Variants in ZNF81 observed in about 807,000 individuals in gnomAD.
ZNF81 encodes zinc finger protein 81.
ZNF81 carries 5 observed loss-of-function variants against 32.3 expected under a neutral mutation model. The ratio of observed to expected loss-of-function variants is 0.15; its 90% CI spans 0.08 to 0.33. The LOEUF (loss-of-function observed/expected upper bound fraction) is 0.33. ZNF81 is among the 10% of genes least tolerant of loss of function. The pLI is 1.00. For missense variants in ZNF81, 379 were observed against 479.8 expected (o/e 0.79, Z 1.96); for synonymous variants, 163 against 166.8 (o/e 0.98, Z 0.17).
intron 3 of ZNF81, among the ~76,000 whole-genome samples, chrX:47,891,995 G>C (rs1477363120): frequency 9.0e-6 from 1 of 111,204 alleles, no homozygotes; most frequent in African/African-American, 3.3e-5. Flanking sequence ...TCAAGTCTGG[G>C]AATTGATTGA....
intron 4 of ZNF81, among the ~76,000 whole-genome samples, chrX:47,897,173 C>G (rs2058682521): frequency 8.9e-6 from 1 of 112,319 alleles, no homozygotes; most frequent in African/African-American, 3.2e-5. Flanking sequence ...ATTGGCTGTA[C>G]CACTTTACAT....
intron 2 of ZNF81, among the ~76,000 whole-genome samples, chrX:47,874,299 A>G (rs1454428771): frequency 8.9e-6 from 1 of 112,067 alleles, no homozygotes; most frequent in Non-Finnish European, 1.9e-5. Context: ...TTCCATGGCC[A>G]TGGGGGATGG....
intron 4 of ZNF81, among the ~76,000 whole-genome samples, chrX:47,914,673 G>A (rs1405944209): frequency 9.0e-6 from 1 of 111,401 alleles, no homozygotes; most frequent in Non-Finnish European, 1.9e-5. Context: ...CCTAATGACA[G>A]CTTTCTCAGA....
At chrX:47,876,450 G>A in intron 2 of ZNF81, among the ~76,000 whole-genome samples, 1 of 112,035 alleles carries the variant, frequency 8.9e-6, no homozygotes. Flanking sequence ...AAATGAACAA[G>A]CCCAGGGAAC....
chrX:47,868,738 C>T (rs1397373170), intron 2 of ZNF81, among the ~76,000 whole-genome samples: 1 of 110,709 alleles, frequency 9.0e-6, no homozygotes, highest in Non-Finnish European at 1.9e-5. Flanking sequence ...GGACTGTATT[C>T]TAATAAGTCT....
At position 47,919,690 on chromosome X, in the gene ZNF81, T is replaced by G. The variant is rs2146432992; in HGVS notation, c.*3058T>G. On this transcript the variant is annotated 3_prime_UTR_variant, in exon 5 of 5. Transcript: ENST00000338637. ...TCCCATGTCTACAGCTAGAGAACTCTTTGGGATCCCTTTTATAAGGGCACC... is the reference window on the plus strand; with the variant it reads ...TCCCATGTCTACAGCTAGAGAACTCGTTGGGATCCCTTTTATAAGGGCACC... 1 of 112,133 alleles carries G rather than the reference T, an allele frequency of 8.9e-6. No homozygotes were observed. Among genetic ancestry groups the G allele is most frequent in the Non-Finnish European group, 1.9e-5 (1 of 53,687 alleles). 9.2% of individuals were successfully genotyped at this position (112,133 alleles called of 1,213,427 possible). A position where few individuals can be genotyped will look rare whatever the true frequency, so the allele number is the denominator to read the frequency against.
chrX:47,842,271 G>A (rs1162365512), intron 1 of ZNF81, among the ~76,000 whole-genome samples: 1 of 111,711 alleles, frequency 9.0e-6, no homozygotes. Flanking sequence ...CATTCCATTA[G>A]TGTTTGGCTG....
At chrX:47,853,724 T>G (rs1477676602) in intron 2 of ZNF81, among the ~76,000 whole-genome samples, 1 of 110,783 alleles carries the variant, frequency 9.0e-6, no homozygotes, top group Non-Finnish European at 1.9e-5. Flanking sequence ...TTTTAAATTT[T>G]TTTTTTTAAG....
chrX:47,848,749 C>T (rs782804547), intron 2 of ZNF81, among the ~76,000 whole-genome samples: 1 of 111,221 alleles, frequency 9.0e-6, no homozygotes, highest in South Asian at 3.8e-4. Flanking sequence ...TTTGGATTTT[C>T]AGATTAGGGA....
At chrX:47,882,904 T>C (rs2058626464) in intron 2 of ZNF81, among the ~76,000 whole-genome samples, 1 of 112,275 alleles carries the variant, frequency 8.9e-6, no homozygotes, top group South Asian at 3.7e-4. Context: ...GGCATGAGAA[T>C]CCCTTGAATC....
chrX:47,875,294 G>T (rs1445097761), intron 2 of ZNF81, among the ~76,000 whole-genome samples: 1 of 112,292 alleles, frequency 8.9e-6, no homozygotes, highest in Non-Finnish European at 1.9e-5. Flanking sequence ...TAATGCATTT[G>T]CTTGCAATGA....
At chrX:47,900,544 T>C (rs1569389559) in intron 4 of ZNF81, among the ~76,000 whole-genome samples, 2 of 112,183 alleles carry the variant, frequency 1.8e-5, no homozygotes, top group Non-Finnish European at 3.8e-5. Flanking sequence ...TTTTTAAAAC[T>C]AGCTACTGAA....
chrX:47,860,923 A>T (rs1167534413), intron 2 of ZNF81: 4 of 111,892 alleles, frequency 3.6e-5, no homozygotes, highest in Non-Finnish European at 7.5e-5. Context: ...CTTGACACAG[A>T]GCTCCTAATC....
intron 4 of ZNF81, among the ~76,000 whole-genome samples, chrX:47,901,269 C>T (rs2058697470): frequency 1.8e-5 from 2 of 111,887 alleles, no homozygotes; most frequent in Non-Finnish European, 3.8e-5. Context: ...CTACATTTTG[C>T]TTATTAATTC....
At chrX:47,846,987 T>G (rs782467017) in intron 2 of ZNF81, among the ~76,000 whole-genome samples, 14 of 112,388 alleles carry the variant, frequency 1.2e-4, no homozygotes, top group Admixed American at 3.8e-4. Flanking sequence ...TCCCTGGAAT[T>G]AACAATTTTC....
Position 47,925,216 on chromosome X carries a change from G to A in ZNF81, c.*8584G>A, listed in dbSNP as rs1429587476. ...AGTGTACAATTTGATGAGTTTTGAC[G>A]TGTGCACCTTTCCAACCATCATGAC... On this transcript the variant is annotated 3_prime_UTR_variant, in exon 5 of 5. Transcript: ENST00000338637. 6.3e-5 allele frequency among the ~76,000 whole-genome samples: 7 copies of A among 111,296 alleles called. 1 individual carries two copies. Among genetic ancestry groups the A allele is most frequent in the Non-Finnish European group, 1.3e-4 (7 of 53,014 alleles).
intron 2 of ZNF81, among the ~76,000 whole-genome samples, chrX:47,876,302 C>A (rs1322288212): frequency 8.9e-6 from 1 of 112,603 alleles, no homozygotes; most frequent in Non-Finnish European, 1.9e-5. Context: ...AGGCATCTTT[C>A]CCCCTTGGCA....
intron 2 of ZNF81, among the ~76,000 whole-genome samples, chrX:47,850,933 A>G (rs1162177061): frequency 2.2e-5 from 1 of 44,770 alleles, no homozygotes; most frequent in Non-Finnish European, 5.7e-5. Flanking sequence ...ACACACACAC[A>G]CAACCCAACA....
rs146473122 is a variant in ZNF81, at chrX:47,868,435, A to G, written c.55-19564A>G. 4.0e-3 allele frequency among the ~76,000 whole-genome samples: 442 copies of G among 111,547 alleles called. 2 individuals carry two copies. The highest frequency in any genetic ancestry group is 0.013 in the African/African-American group (414 of 30,745). ...CCTGTGATTCTGAACTAGTGATGGTATCTGGGACTATTTTATAACCAATTG... is the reference window on the plus strand; with the variant it reads ...CCTGTGATTCTGAACTAGTGATGGTGTCTGGGACTATTTTATAACCAATTG... On this transcript the variant is annotated intron_variant, in intron 2 of 4. Transcript: ENST00000338637.
Sources: gnomAD v4.1 joint callset for allele counts (sites outside exome capture counted in the v4.1 genomes callset) on GRCh38, gnomAD v4.1.1 for gene constraint, MANE v1.5 for transcripts, NCBI Gene and HGNC (gene_info 2026-07-23, HGNC 2026-07-21) for gene names.